The following PCDH15 variants were observed in gnomAD, a reference collection of about 807,000 sequenced individuals.
PCDH15 encodes the protein protocadherin-15.
In PCDH15, 129 loss-of-function variants were observed where a neutral mutation model predicts 178.5. The ratio of observed to expected loss-of-function variants is 0.72; its 90% CI spans 0.63 to 0.84. The LOEUF is 0.84. PCDH15 is among the 40% of genes least tolerant of loss of function. The probability of loss-of-function intolerance (pLI) is 0.00; values close to 1 mark genes in which losing one functional copy is unlikely to be tolerated. For synonymous variants in PCDH15, 800 were observed against 732.0 expected (o/e 1.09, Z -1.50); for missense variants, 2,230 against 2,099.9 (o/e 1.06, Z -1.21).
intron 1 of PCDH15, among the ~76,000 whole-genome samples, chr10:55,299,882 T>C (rs1340297670): frequency 6.6e-6 from 1 of 152,168 alleles, no homozygotes; most frequent in Non-Finnish European, 1.5e-5. Context: ...ATATATGAAG[T>C]TGGGTTAACA....
chr10:55,083,671 G>T (rs1417167510), intron 2 of PCDH15, among the ~76,000 whole-genome samples: 1 of 151,746 alleles, frequency 6.6e-6, no homozygotes, highest in African/African-American at 2.4e-5. Context: ...AAAACCTAAA[G>T]ACTTCATACA....
intron 21 of PCDH15, among the ~76,000 whole-genome samples, chr10:53,970,459 A>G (rs1023655078): frequency 5.3e-5 from 8 of 152,004 alleles, no homozygotes; most frequent in African/African-American, 1.7e-4. Context: ...AAGGAGACAG[A>G]GAAACAAAAA....
intron 1 of PCDH15, among the ~76,000 whole-genome samples, chr10:55,296,812 C>T (rs1843144346): frequency 6.6e-6 from 1 of 152,066 alleles, no homozygotes; most frequent in Non-Finnish European, 1.5e-5. Flanking sequence ...TCACTACCAT[C>T]ATAGTCAAAA....
chr10:54,142,901 A>C (rs1412726344), intron 14 of PCDH15, among the ~76,000 whole-genome samples: 1 of 152,142 alleles, frequency 6.6e-6, no homozygotes, highest in East Asian at 1.9e-4. Flanking sequence ...TCTCTATCAA[A>C]AGGTAAATGT....
At chr10:53,885,390 T>A (rs952170574) in intron 26 of PCDH15, among the ~76,000 whole-genome samples, 5 of 148,198 alleles carry the variant, frequency 3.4e-5, no homozygotes, top group African/African-American at 1.3e-4. Flanking sequence ...AAACCTTCAA[T>A]ATGCCTTTTA....
chr10:54,929,646 A>G (rs1260816268), intron 2 of PCDH15, among the ~76,000 whole-genome samples: 3 of 152,162 alleles, frequency 2.0e-5, no homozygotes, highest in Non-Finnish European at 4.4e-5. Flanking sequence ...ACCCTTTACA[A>G]CTGACAGAAA....
chr10:54,555,489 T>A (rs1480763326), intron 2 of PCDH15, among the ~76,000 whole-genome samples: 2 of 151,300 alleles, frequency 1.3e-5, no homozygotes, highest in Non-Finnish European at 2.9e-5. Flanking sequence ...CCCAACACTG[T>A]GGGAGGCCGA....
rs1480860430 is a variant in PCDH15 at position 53,805,000 on chromosome 10, T to A, written c.*1579A>T. The A allele has an allele frequency of 6.6e-6, 1 of 151,968 alleles. No homozygotes were observed. The highest frequency in any genetic ancestry group is 1.9e-4 in the East Asian group (1 of 5,182). 9.4% of individuals were successfully genotyped at this position (151,968 alleles called of 1,614,324 possible). On this transcript the variant is annotated 3_prime_UTR_variant, in exon 38 of 38. Transcript: ENST00000644397. Reference sequence around the variant, plus strand: ...TTAATTCTCAATAAAATAAGGTAGATGAGATGTTACTGTATTTGATCTCAA... The same window carrying A: ...TTAATTCTCAATAAAATAAGGTAGAAGAGATGTTACTGTATTTGATCTCAA...
At chr10:54,655,286 G>C (rs983400787) in intron 2 of PCDH15, among the ~76,000 whole-genome samples, 2 of 127,160 alleles carry the variant, frequency 1.6e-5, no homozygotes, top group Non-Finnish European at 3.5e-5. Context: ...GAGAGAGAGA[G>C]AGAGAGAGAG....
chr10:54,982,821 A>T (rs936568373), intron 2 of PCDH15, among the ~76,000 whole-genome samples: 3 of 152,176 alleles, frequency 2.0e-5, no homozygotes, highest in African/African-American at 7.2e-5. Flanking sequence ...TAAGCATTAT[A>T]TTGATAATAT....
intron 1 of PCDH15, among the ~76,000 whole-genome samples, chr10:54,716,591 G>C (rs2095482401): frequency 6.6e-6 from 1 of 151,996 alleles, no homozygotes; most frequent in African/African-American, 2.4e-5. Context: ...GAATGCTTGT[G>C]ATTTTTGTAC....
At chr10:55,195,823 C>T (rs1040087023) in intron 1 of PCDH15, among the ~76,000 whole-genome samples, 1 of 151,904 alleles carries the variant, frequency 6.6e-6, no homozygotes, top group African/African-American at 2.4e-5. Flanking sequence ...TATTAAACAT[C>T]TGTGCTTCCA....
intron 2 of PCDH15, among the ~76,000 whole-genome samples, chr10:55,334,224 A>ATATAT (rs1346993575): frequency 3.8e-5 from 3 of 79,366 alleles, no homozygotes; most frequent in Middle Eastern, 5.2e-3. Flanking sequence ...GGTGCTCCAT[A>ATATAT]TATATATATA....
chr10:54,689,486 C>T (rs529788883), intron 1 of PCDH15, among the ~76,000 whole-genome samples: 1 of 152,102 alleles, frequency 6.6e-6, no homozygotes, highest in Admixed American at 6.6e-5. Flanking sequence ...CATTTTGCCT[C>T]TGACTACTTT....
chr10:55,138,029 T>A (rs2132085118), intron 2 of PCDH15, among the ~76,000 whole-genome samples: 1 of 152,266 alleles, frequency 6.6e-6, no homozygotes, highest in Middle Eastern at 3.4e-3. Flanking sequence ...GGTACTTTTC[T>A]AGATGCAGGT....
At chr10:54,591,126 C>T (rs528286586) in intron 2 of PCDH15, among the ~76,000 whole-genome samples, 1 of 152,256 alleles carries the variant, frequency 6.6e-6, no homozygotes, top group South Asian at 2.1e-4. Flanking sequence ...ACCCCAGTGC[C>T]TAGTGTGGTA....
intron 1 of PCDH15, among the ~76,000 whole-genome samples, chr10:55,264,328 C>T (rs1842225580): frequency 6.6e-6 from 1 of 152,100 alleles, no homozygotes; most frequent in Non-Finnish European, 1.5e-5. Context: ...AAACCCCACC[C>T]CCAACCCCAC....
intron 2 of PCDH15, among the ~76,000 whole-genome samples, chr10:54,635,252 C>T (rs1744533942): frequency 6.6e-6 from 1 of 151,182 alleles, no homozygotes; most frequent in South Asian, 2.1e-4. Context: ...AAAATGAAAG[C>T]AATTATTTTA....
intron 3 of PCDH15, among the ~76,000 whole-genome samples, chr10:54,404,692 C>T (rs1952400094): frequency 6.6e-6 from 1 of 151,916 alleles, no homozygotes; most frequent in Admixed American, 6.6e-5. Flanking sequence ...ACAAAAGAAA[C>T]CATCAACAGA....
Sources: allele counts gnomAD v4.1 joint callset (sites outside exome capture counted in the v4.1 genomes callset), GRCh38; gene constraint gnomAD v4.1.1; transcripts MANE v1.5; gene names NCBI Gene and HGNC (gene_info 2026-07-23, HGNC 2026-07-21).